The following DENND4C variants were observed in gnomAD, a reference collection of about 807,000 sequenced individuals.
The protein encoded by DENND4C is DENN domain containing 4C, also known as DENN domain-containing protein 4C.
DENND4C carries 108 observed loss-of-function variants against 203.0 expected under a neutral mutation model. That is an observed-to-expected ratio of 0.53 (90% CI 0.46 to 0.62). The LOEUF is 0.62. DENND4C is among the 20% of genes least tolerant of loss of function. DENND4C has a pLI of 0.00. For missense variants in DENND4C, 2,481 were observed against 2,301.2 expected, an observed-to-expected ratio of 1.08 and a Z score of -1.60; for synonymous variants, 871 against 792.4, an observed-to-expected ratio of 1.10 and a Z score of -1.67.
chr9:19,317,693 G>T (rs1338537297), intron 12 of DENND4C, among the ~76,000 whole-genome samples: 1 of 152,048 alleles, frequency 6.6e-6, no homozygotes, highest in Non-Finnish European at 1.5e-5. Context: ...GGAATATAAA[G>T]AAGTATAAAA....
rs535837674 is a variant in DENND4C at position 19,277,124 on chromosome 9, A to G, written c.305+645A>G. Among the ~76,000 whole-genome samples, 14 of 152,130 alleles carry G rather than the reference A, an allele frequency of 9.2e-5. 1 individual carries two copies. In the South Asian group the frequency reaches 2.9e-3, roughly 32 times the overall value. On this transcript the variant is annotated intron_variant, in intron 2 of 32. Transcript: ENST00000434457. Reference sequence around the variant, plus strand: ...TAACACTTTACCATATATACATGTGATGTATTGGGGTGTTTTGTTTATTAT... The same window carrying G: ...TAACACTTTACCATATATACATGTGGTGTATTGGGGTGTTTTGTTTATTAT...
intron 18 of DENND4C, among the ~76,000 whole-genome samples, chr9:19,335,657 T>C (rs1270256583): frequency 6.6e-6 from 1 of 152,176 alleles, no homozygotes; most frequent in African/African-American, 2.4e-5. Context: ...GTCCTCTGGG[T>C]TCATTCATAT....
In DENND4C at chr9:19,336,325, C is replaced by T. The variant is rs76083810; in HGVS notation, c.2645C>T (p.Thr882Met). 7.0e-4 allele frequency: 1,131 copies of T among 1,613,944 alleles called. 7 individuals carry two copies. In the African/African-American group the frequency reaches 0.013, roughly 18 times the overall value. Reference sequence around the variant, plus strand: ...ACCCGCAGTGGTATTTTCTTATGGACGAAGGTACGGAATGTGGTACGTGGC... The same window carrying T: ...ACCCGCAGTGGTATTTTCTTATGGATGAAGGTACGGAATGTGGTACGTGGC... ...SSTRSGIFLW[T>M]KVRNVVRGLA... The change falls in exon 19 of 33, where the codon ACG becomes ATG. Residue 882 changes from threonine to methionine, a missense_variant. Coordinates refer to ENST00000434457, the MANE Select transcript of DENND4C (RefSeq NM_001330640.2).
chr9:19,319,475 G>T (rs1842517825), intron 12 of DENND4C, among the ~76,000 whole-genome samples: 1 of 121,900 alleles, frequency 8.2e-6, no homozygotes, highest in African/African-American at 3.2e-5. Flanking sequence ...TTTTGAGGGG[G>T]ACACAGTTTC....
chr9:19,304,051 A>T (rs1415666571), intron 9 of DENND4C, among the ~76,000 whole-genome samples: 13 of 141,340 alleles, frequency 9.2e-5, no homozygotes, highest in African/African-American at 4.0e-4. Context: ...TCTTTTTTAA[A>T]AAAAAAAAAA....
Position 19,342,782 on chromosome 9 carries a change from G to A in DENND4C, c.3151+3G>A. 6.3e-7 allele frequency: 1 copy of A among 1,588,786 alleles called. No individual in the cohort carries two copies. Among genetic ancestry groups the A allele is most frequent in the East Asian group, 2.3e-5 (1 of 44,248 alleles). On this transcript the variant is annotated splice_donor_region_variant and intron_variant, in intron 22 of 32. Transcript: ENST00000434457. The stretch of plus-strand genomic sequence containing the variant: ...CAACAGCAGGAAAAGTAGCACTGGT[G>A]AGTCTTTACATTTTGGTTATTAAAT...
intron 8 of DENND4C, 114 bp from the exon 9 acceptor site, chr9:19,300,073 A>G: frequency 5.6e-6 from 6 of 1,072,206 alleles, no homozygotes; most frequent in Non-Finnish European, 6.3e-6. Flanking sequence ...ATAAATAAGT[A>G]AAGACTAGAA....
At chr9:19,366,620 T>C (rs1248827070) in intron 30 of DENND4C, among the ~76,000 whole-genome samples, 4 of 152,068 alleles carry the variant, frequency 2.6e-5, no homozygotes, top group African/African-American at 9.7e-5. Flanking sequence ...GAATAGTCTT[T>C]TCAACACGTG....
chr9:19,264,993 T>G (rs1471020163), intron 1 of DENND4C, among the ~76,000 whole-genome samples: 1 of 152,132 alleles, frequency 6.6e-6, no homozygotes, highest in Non-Finnish European at 1.5e-5. Flanking sequence ...GTTTCCATTT[T>G]CATTTGTTTC....
At chr9:19,361,792 C>T in intron 29 of DENND4C, 54 bp from the exon 30 acceptor site, 2 of 1,063,758 alleles carry the variant, frequency 1.9e-6, no homozygotes, top group Non-Finnish European at 2.9e-6. Context: ...TTCACTAGAT[C>T]TACTGGTAAT....
chr9:19,286,807 G>A lies in DENND4C; in HGVS notation c.344G>A (p.Cys115Tyr), dbSNP rs1835302546. 4.9e-6 allele frequency: 6 copies of A among 1,232,124 alleles called. No individual in the cohort carries two copies. In the Admixed American group the frequency reaches 1.3e-4, roughly 26 times the overall value. 76.3% of individuals were successfully genotyped at this position (1,232,124 alleles called of 1,614,324 possible). Reference protein sequence around the residue: ...YEGKERLIPGCEVILATPYGR... With the variant: ...YEGKERLIPGYEVILATPYGR... Reference sequence around the variant, plus strand: ...GGGAAAGAACGGCTTATTCCAGGATGTGAAGTGATCCTAGCCACACCCTAT... The same window carrying A: ...GGGAAAGAACGGCTTATTCCAGGATATGAAGTGATCCTAGCCACACCCTAT... The change falls in exon 3 of 33, where the codon TGT becomes TAT. Residue 115 changes from cysteine to tyrosine, a missense_variant. Coordinates refer to ENST00000434457, the MANE Select transcript of DENND4C (RefSeq NM_001330640.2).
intron 9 of DENND4C, among the ~76,000 whole-genome samples, chr9:19,304,048 TAAAA>T (rs34261020): frequency 1.6e-4 from 22 of 138,754 alleles, no homozygotes; most frequent in East Asian, 8.4e-4. Context: ...CTGTCTTTTT[TAAAA>T]AAAAAAAAAA....
chr9:19,372,976 T>G lies in DENND4C; in HGVS notation c.*803T>G, dbSNP rs933699828. On this transcript the variant is annotated 3_prime_UTR_variant, in exon 33 of 33. Transcript: ENST00000434457. ...CTAAGTGTATATTTATTAAAATAGA[T>G]TGCATGTTGCAATACGGTTTTCTGA... 7 of 152,140 alleles carry G rather than the reference T, an allele frequency of 4.6e-5. No individual in the cohort carries two copies. The highest frequency in any genetic ancestry group is 1.7e-4 in the African/African-American group (7 of 41,418). 9.4% of individuals were successfully genotyped at this position (152,140 alleles called of 1,614,324 possible). A position where few individuals can be genotyped will look rare whatever the true frequency, so the allele number is the denominator to read the frequency against.
intron 1 of DENND4C, among the ~76,000 whole-genome samples, chr9:19,256,370 C>T (rs536954879): frequency 2.8e-4 from 36 of 127,944 alleles, no homozygotes; most frequent in East Asian, 2.5e-3. Flanking sequence ...AGTGCAAGGG[C>T]GCAATCTCTG....
chr9:19,362,476 T>C (rs955719623), intron 30 of DENND4C, among the ~76,000 whole-genome samples: 9 of 152,194 alleles, frequency 5.9e-5, no homozygotes, highest in Middle Eastern at 3.4e-3. Context: ...GAGTTAAATA[T>C]AGAAAAGCAA....
chr9:19,251,051 C>A (rs959704308), intron 1 of DENND4C, among the ~76,000 whole-genome samples: 1 of 152,340 alleles, frequency 6.6e-6, no homozygotes, highest in South Asian at 2.1e-4. Context: ...TGTGGGGGCT[C>A]CCACCCCACA....
At chr9:19,256,392 CTGCCA>C (rs143441161) in intron 1 of DENND4C, among the ~76,000 whole-genome samples, 9,022 of 137,482 alleles carry the variant, frequency 0.066, 549 homozygotes, top group African/African-American at 0.17. Flanking sequence ...TCACTGCTCA[CTGCCA>C]TCTCCACCTC....
intron 1 of DENND4C, among the ~76,000 whole-genome samples, chr9:19,268,557 A>G (rs1830986200): frequency 6.6e-6 from 1 of 152,044 alleles, no homozygotes; most frequent in Admixed American, 6.6e-5. Flanking sequence ...CTCATTGCTC[A>G]TTACTGTTCT....
chr9:19,346,410 G>A lies in DENND4C; in HGVS notation c.3641G>A (p.Ser1214Asn). The change falls in exon 23 of 33, where the codon AGT becomes AAT. Residue 1214 changes from serine (S) to asparagine (N), a missense_variant. This residue lies in a region of DENND4C where 2,289 missense variants were observed against 2,113.3 expected (regional missense o/e 1.08). Coordinates refer to ENST00000434457, the MANE Select transcript of DENND4C (RefSeq NM_001330640.2). ...TYESLLSDSN[S>N]NQSRDLKTVS... ...GAGAGTCTACTAAGTGATAGTAACA[G>A]TAATCAGTCCAGAGACTTGAAAACA... is the stretch of plus-strand genomic sequence containing the variant. 3 of 1,614,162 alleles carry A rather than the reference G, an allele frequency of 1.9e-6. No individual in the cohort carries two copies. Among genetic ancestry groups the A allele is most frequent in the South Asian group, 2.2e-5 (2 of 91,076 alleles).
Sources: allele counts gnomAD v4.1 joint callset (sites outside exome capture counted in the v4.1 genomes callset), GRCh38; gene constraint gnomAD v4.1.1; regional missense constraint gnomAD v4.1.1; transcripts MANE v1.5; gene names NCBI Gene and HGNC (gene_info 2026-07-23, HGNC 2026-07-21).